The following AGBL1 variants were observed in gnomAD, a reference collection of about 807,000 sequenced individuals.
AGBL1 encodes the protein AGBL carboxypeptidase 1.
In AGBL1, 130 loss-of-function variants were observed where a neutral mutation model predicts 118.9. The ratio of observed to expected loss-of-function variants is 1.09; its 90% CI spans 0.95 to 1.26. AGBL1 has a LOEUF of 1.26. AGBL1 is among the 50% of genes most tolerant of loss of function. The pLI, the probability that AGBL1 is intolerant of heterozygous loss-of-function variation, is 0.00. For synonymous variants in AGBL1, 555 were observed against 478.9 expected (o/e 1.16, Z -2.08); for missense variants, 1,584 against 1,298.1 (o/e 1.22, Z -3.38).
At chr15:86,268,661 G>C (rs1166885423) in intron 13 of AGBL1, among the ~76,000 whole-genome samples, 5 of 152,156 alleles carry the variant, frequency 3.3e-5, no homozygotes, top group African/African-American at 7.2e-5. Context: ...CAGACAATTT[G>C]AGGGTCATAG....
chr15:86,598,135 A>G (rs991326847), intron 21 of AGBL1, among the ~76,000 whole-genome samples: 1 of 152,100 alleles, frequency 6.6e-6, no homozygotes, highest in Non-Finnish European at 1.5e-5. Flanking sequence ...AGAGAAGGCC[A>G]TGGTTTCAGA....
intron 17 of AGBL1, among the ~76,000 whole-genome samples, chr15:86,354,921 A>C (rs905436384): frequency 6.6e-5 from 10 of 152,352 alleles, no homozygotes; most frequent in East Asian, 1.9e-4. Context: ...GAAAGGCTAA[A>C]AGCATGAAAC....
intron 1 of AGBL1, among the ~76,000 whole-genome samples, chr15:86,132,078 A>C (rs970914187): frequency 6.6e-6 from 1 of 152,178 alleles, no homozygotes; most frequent in Non-Finnish European, 1.5e-5. Context: ...AGGGAAGACC[A>C]TTACCCACTA....
chr15:86,792,006 G>C lies in AGBL1; in HGVS notation c.3159-115081G>C, dbSNP rs536290486. 2.0e-5 allele frequency among the ~76,000 whole-genome samples: 3 copies of C among 152,234 alleles called. No individual in the cohort carries two copies. In the East Asian group the frequency reaches 5.8e-4, roughly 29 times the overall value. ...CCACTTCGGCCTCCTAATGCTCTGG[G>C]ATTACAGGCATGAGCCACTGCACCG... is the stretch of plus-strand genomic sequence containing the variant. On this transcript the variant is annotated intron_variant, in intron 22 of 22. Coordinates refer to ENST00000614907, the MANE Select transcript of AGBL1 (RefSeq NM_001386094.1).
chr15:86,575,078 A>C (rs1196403128), intron 21 of AGBL1, among the ~76,000 whole-genome samples: 1 of 151,986 alleles, frequency 6.6e-6, no homozygotes, highest in African/African-American at 2.4e-5. Context: ...AGTCCCAGCT[A>C]CTTGGGAGGC....
At chr15:86,236,883 A>G (rs1209681166) in intron 6 of AGBL1, among the ~76,000 whole-genome samples, 2 of 125,450 alleles carry the variant, frequency 1.6e-5, no homozygotes, top group Non-Finnish European at 3.2e-5. Context: ...GCCTTTTAAT[A>G]TGCAAATACA....
At chr15:86,141,906 T>C in intron 1 of AGBL1, 98 bp from the exon 2 acceptor site, 1 of 1,214,126 alleles carries the variant, frequency 8.2e-7, no homozygotes, top group Non-Finnish European at 1.2e-6. Context: ...TCTTTCTCCA[T>C]GACAGGAAGT....
chr15:86,356,970 C>T (rs1428539633), intron 17 of AGBL1, among the ~76,000 whole-genome samples: 1 of 152,192 alleles, frequency 6.6e-6, no homozygotes, highest in Non-Finnish European at 1.5e-5. Context: ...ATTCTATTCC[C>T]ATGTTGCCTG....
intron 5 of AGBL1, among the ~76,000 whole-genome samples, chr15:86,159,469 G>T (rs2077237004): frequency 6.6e-6 from 1 of 152,060 alleles, no homozygotes; most frequent in African/African-American, 2.4e-5. Flanking sequence ...TCTCTAAAGA[G>T]ACAGCCAGTT....
intron 22 of AGBL1, among the ~76,000 whole-genome samples, chr15:86,718,347 T>C (rs184864959): frequency 1.2e-3 from 186 of 152,096 alleles, no homozygotes; most frequent in Middle Eastern, 3.4e-3. Context: ...AGGAGAACAC[T>C]TGGACACAGG....
intron 16 of AGBL1, among the ~76,000 whole-genome samples, chr15:86,283,264 A>G (rs1455527501): frequency 6.6e-6 from 1 of 152,112 alleles, no homozygotes; most frequent in Non-Finnish European, 1.5e-5. Flanking sequence ...GGGCCCCAAG[A>G]GAGTTTCTGA....
intron 5 of AGBL1, among the ~76,000 whole-genome samples, chr15:86,190,251 T>C (rs1348206159): frequency 3.3e-5 from 5 of 152,108 alleles, no homozygotes; most frequent in Non-Finnish European, 7.4e-5. Flanking sequence ...TTAAATAAAT[T>C]GCTCTGTTAA....
At chr15:86,176,196 G>C (rs756860948) in intron 5 of AGBL1, among the ~76,000 whole-genome samples, 5 of 152,206 alleles carry the variant, frequency 3.3e-5, no homozygotes, top group Non-Finnish European at 7.3e-5. Context: ...AATGATGCCA[G>C]GTGAGGCAGA....
chr15:86,926,094 C>T (rs1054503368), intron 23 of AGBL1, among the ~76,000 whole-genome samples: 2 of 152,152 alleles, frequency 1.3e-5, no homozygotes, highest in Non-Finnish European at 2.9e-5. Context: ...TTCATCTCCT[C>T]TCCTTTCCTT....
rs561785974 is a variant in AGBL1 at position 86,140,927 on chromosome 15, C to T, written c.52-1077C>T. Reference sequence around the variant, plus strand: ...AAGATCATAAAGAGCTTTGGAAATTCTATTAATGAGCTATGACTTTATCCT... The same window carrying T: ...AAGATCATAAAGAGCTTTGGAAATTTTATTAATGAGCTATGACTTTATCCT... On this transcript the variant is annotated intron_variant, in intron 1 of 22. Coordinates refer to ENST00000614907, the MANE Select transcript of AGBL1 (RefSeq NM_001386094.1). 2.6e-5 allele frequency among the ~76,000 whole-genome samples: 4 copies of T among 152,284 alleles called. No individual in the cohort carries two copies. The South Asian group carries it at 8.3e-4, about 32-fold the overall frequency.
intron 22 of AGBL1, among the ~76,000 whole-genome samples, chr15:86,801,310 C>CATCTATCTATCTATCTATCT (rs10629012): frequency 4.2e-4 from 62 of 147,314 alleles, no homozygotes; most frequent in East Asian, 1.2e-3. Flanking sequence ...TTGATGATTA[C>CATCTATCTATCTATCTATCT]ATCTATCTAT....
At chr15:86,433,739 A>G (rs913603096) in intron 18 of AGBL1, among the ~76,000 whole-genome samples, 7 of 152,140 alleles carry the variant, frequency 4.6e-5, no homozygotes, top group African/African-American at 1.7e-4. Context: ...TCTCTGTGAG[A>G]TGTGCTAAAT....
At position 86,273,453 on chromosome 15, in the gene AGBL1, C is replaced by T. The variant is rs1391687052; in HGVS notation, c.2075+1747C>T. On this transcript the variant is annotated intron_variant, in intron 15 of 22. Coordinates refer to ENST00000614907, the MANE Select transcript of AGBL1 (RefSeq NM_001386094.1). ...TAGTTTGTTTTATAATTATTCACCA[C>T]GTTGTGTTAACATATTCCCAATACT... Among the ~76,000 whole-genome samples, 7 of 152,330 alleles carry T rather than the reference C, an allele frequency of 4.6e-5. No individual in the cohort carries two copies. The East Asian group carries it at 9.6e-4, about 21-fold the overall frequency.
intron 16 of AGBL1, among the ~76,000 whole-genome samples, chr15:86,287,294 T>C (rs2079469807): frequency 6.6e-6 from 1 of 152,156 alleles, no homozygotes; most frequent in Admixed American, 6.6e-5. Context: ...TTTCTCCCAA[T>C]TTGTGGGTTG....
Sources: gnomAD v4.1 joint callset for allele counts (sites outside exome capture counted in the v4.1 genomes callset) on GRCh38, gnomAD v4.1.1 for gene constraint, MANE v1.5 for transcripts, NCBI Gene and HGNC (gene_info 2026-07-23, HGNC 2026-07-21) for gene names.